DCBLD1: variants seen among roughly 807,000 people sequenced by gnomAD.
The protein encoded by DCBLD1 is discoidin, CUB and LCCL domain containing 1, also known as discoidin, CUB and LCCL domain-containing protein 1.
A neutral mutation model predicts 71.5 loss-of-function variants in DCBLD1; 57 were observed. The ratio of observed to expected loss-of-function variants is 0.80; its 90% CI spans 0.64 to 0.99. DCBLD1 has a LOEUF of 0.99. Ranked by LOEUF, DCBLD1 falls within the 50% of genes least tolerant of loss-of-function variation. DCBLD1 has a pLI of 0.00. For missense variants in DCBLD1, 891 were observed against 923.5 expected (o/e 0.96, Z 0.46); for synonymous variants, 380 against 363.8 (o/e 1.04, Z -0.51).
chr6:117,521,467 C>A, intron 3 of DCBLD1, 58 bp from the exon 4 acceptor site: 1 of 1,360,440 alleles, frequency 7.4e-7, no homozygotes, highest in Non-Finnish European at 1.0e-6. Context: ...AGCTTTGCAG[C>A]ATGAGTGTCC....
Position 117,544,092 on chromosome 6 carries a change from T to A in DCBLD1, c.1446-436T>A, listed in dbSNP as rs573061404. On this transcript the variant is annotated intron_variant, in intron 12 of 14. Transcript: ENST00000338728. ...CATCATGAGAGAAGGTACAAAAGTC[T>A]CTGGTTCAGGTAGATATTCATAAGT... Among the ~76,000 whole-genome samples the A allele has an allele frequency of 2.6e-5, 4 of 152,332 alleles. No homozygotes were observed. The East Asian group carries it at 7.7e-4, about 29-fold the overall frequency.
chr6:117,484,951 C>CAGCCAGGTCCAGGCATTGGGGTTTAGT, intron 1 of DCBLD1: 1 of 152,264 alleles, frequency 6.6e-6, no homozygotes, highest in African/African-American at 2.4e-5. Context: ...TGTTTGCAGC[C>CAGCCAGGTCCAGGCATTGGGGTTTAGT]AGCCAGGTCC....
chr6:117,515,469 G>A (rs533835918), intron 2 of DCBLD1, among the ~76,000 whole-genome samples: 2 of 152,274 alleles, frequency 1.3e-5, no homozygotes, highest in South Asian at 4.2e-4. Flanking sequence ...AAAGCAACAA[G>A]TTACTAGTTA....
intron 2 of DCBLD1, among the ~76,000 whole-genome samples, chr6:117,516,343 G>C (rs1327695543): frequency 1.5e-4 from 23 of 149,814 alleles, no homozygotes; most frequent in Non-Finnish European, 7.4e-5. Flanking sequence ...CCTGGGGACA[G>C]AGCGAGACTC....
At chr6:117,511,717 G>A (rs1300729630) in intron 2 of DCBLD1, among the ~76,000 whole-genome samples, 7 of 152,180 alleles carry the variant, frequency 4.6e-5, no homozygotes, top group African/African-American at 1.7e-4. Flanking sequence ...AAATCCCAAA[G>A]AGGGGAAAGC....
intron 1 of DCBLD1, among the ~76,000 whole-genome samples, chr6:117,485,316 C>T (rs1348707683): frequency 1.3e-5 from 2 of 152,198 alleles, no homozygotes; most frequent in East Asian, 1.9e-4. Context: ...TCAAAATGAG[C>T]GCTTGATCTC....
intron 14 of DCBLD1, among the ~76,000 whole-genome samples, chr6:117,557,282 TG>T (rs1779506522): frequency 6.6e-6 from 1 of 152,218 alleles, no homozygotes. Context: ...AAAATATAAC[TG>T]TATCCATGTT....
chr6:117,528,614 G>C (rs1778617098), intron 5 of DCBLD1, among the ~76,000 whole-genome samples: 1 of 152,204 alleles, frequency 6.6e-6, no homozygotes. Context: ...TTATGGCTTA[G>C]TGAACTTCAG....
intron 2 of DCBLD1, among the ~76,000 whole-genome samples, chr6:117,515,761 A>G (rs191802737): frequency 2.4e-3 from 373 of 152,266 alleles, no homozygotes; most frequent in Non-Finnish European, 3.8e-3. Context: ...TCTCTTCCTG[A>G]CTTCTCCATA....
At chr6:117,551,115 T>A (rs752293290), downstream of DCBLD1, among the ~76,000 whole-genome samples, 5 of 152,196 alleles carry the variant, frequency 3.3e-5, no homozygotes, top group Admixed American at 2.0e-4. Context: ...CTGGGATAAA[T>A]TCCCCTAGGG....
intron 1 of DCBLD1, among the ~76,000 whole-genome samples, chr6:117,496,250 G>A (rs1777465876): frequency 6.6e-6 from 1 of 151,742 alleles, no homozygotes; most frequent in African/African-American, 2.4e-5. Context: ...TTTCAGCATA[G>A]TATTATTATC....
chr6:117,537,470 C>G (rs454208), intron 7 of DCBLD1, among the ~76,000 whole-genome samples: 2 of 150,388 alleles, frequency 1.3e-5, no homozygotes, highest in Non-Finnish European at 3.0e-5. Flanking sequence ...GGAGGCGGAG[C>G]TTGCAGTGAG....
chr6:117,537,662 CTTTTTTTTTTT>C (rs68032011), intron 7 of DCBLD1, among the ~76,000 whole-genome samples: 7 of 46,876 alleles, frequency 1.5e-4, no homozygotes, highest in African/African-American at 5.7e-4. Flanking sequence ...TACATAGCAC[CTTTTTTTTTTT>C]TTTTTTTTTT....
chr6:117,505,122 C>G (rs1211496595), intron 2 of DCBLD1, among the ~76,000 whole-genome samples: 1 of 152,118 alleles, frequency 6.6e-6, no homozygotes. Context: ...TCCCTAGGAG[C>G]ATTGTCTATT....
chr6:117,519,816 G>A lies in DCBLD1; in HGVS notation c.326G>A (p.Gly109Asp), dbSNP rs779431020. The A allele has an allele frequency of 9.9e-6, 16 of 1,611,716 alleles. No individual in the cohort carries two copies. The highest frequency in any genetic ancestry group is 4.0e-5 in the African/African-American group (3 of 74,894). Residue 109 changes from glycine to aspartate, a missense_variant and splice_region_variant, in exon 3 of 15, where the codon GGT becomes GAT. Transcript: ENST00000338728. ...TGCCACAAGTGTGCTTTGTTTTTAG[G>A]TCCATACTGTGGAAGTATGACTGTT... ...LLFTSSSDQYGPYCGSMTVPK... is the reference protein window; with the variant it reads ...LLFTSSSDQYDPYCGSMTVPK...
downstream of DCBLD1, among the ~76,000 whole-genome samples, chr6:117,550,443 C>G (rs1779409569): frequency 6.6e-6 from 1 of 152,174 alleles, no homozygotes; most frequent in Admixed American, 6.5e-5. Context: ...TTCTAATTGT[C>G]TGACTTATGT....
intron 2 of DCBLD1, among the ~76,000 whole-genome samples, chr6:117,505,053 A>G (rs960195810): frequency 6.6e-6 from 1 of 152,176 alleles, no homozygotes; most frequent in Admixed American, 6.5e-5. Flanking sequence ...ACTAGCTCCC[A>G]TGGGATAAAA....
Position 117,521,530 on chromosome 6 carries a change from A to G in DCBLD1, c.466A>G (p.Ile156Val), listed in dbSNP as rs763359924. ...ATTATCTTTATTTATGACAGATTTA[A>G]TAACATGTTTGGAACGAGCTAGCCA... The part of the protein sequence containing the change: ...TYASSDHPDL[I>V]TCLERASHYL... The change falls in exon 4 of 15, where the codon ATA (isoleucine) becomes GTA (valine). Residue 156 changes from isoleucine (I) to valine (V), a missense_variant. By Grantham distance (29) the Ile-to-Val change is conservative. Transcript: ENST00000338728. 1 of 1,576,668 alleles carries G rather than the reference A, an allele frequency of 6.3e-7. No individual in the cohort carries two copies. The highest frequency in any genetic ancestry group is 8.6e-7 in the Non-Finnish European group (1 of 1,167,850).
intron 2 of DCBLD1, among the ~76,000 whole-genome samples, chr6:117,505,251 G>C (rs1777800189): frequency 6.6e-6 from 1 of 152,164 alleles, no homozygotes. Flanking sequence ...GATGCTGAAG[G>C]CCCCTGGGAA....
Sources: allele counts gnomAD v4.1 joint callset (sites outside exome capture counted in the v4.1 genomes callset), GRCh38; gene constraint gnomAD v4.1.1; transcripts MANE v1.5; gene names NCBI Gene and HGNC (gene_info 2026-07-23, HGNC 2026-07-21).